Variants in ITIH6 observed in about 807,000 individuals in gnomAD.
ITIH6 encodes inter-alpha-trypsin inhibitor heavy chain H6.
In ITIH6, 60 loss-of-function variants were observed where a neutral mutation model predicts 58.2. The ratio of observed to expected loss-of-function variants is 1.03; its 90% CI spans 0.84 to 1.28. The LOEUF is 1.28. ITIH6 is among the 50% of genes most tolerant of loss of function. The pLI, the probability that ITIH6 is intolerant of heterozygous loss-of-function variation, is 0.00. For missense variants in ITIH6, 1,290 were observed against 1,021.1 expected (o/e 1.26, Z -3.59); for synonymous variants, 493 against 417.4 (o/e 1.18, Z -2.21).
chrX:54,750,104 G>A lies in ITIH6; in HGVS notation c.3733C>T (p.Gln1245Ter), dbSNP rs1213734268. ...AGTCGGATGTCTGCGTGCTGGAACT[G>A]CCCTGAGGGAGAGAGATGCAGTGCT... ...LSPSARGLIG[Q>*]FQHADIRLVT... Residue 1245 changes from glutamine to a stop codon, truncating the protein, a stop_gained and splice_region_variant, in exon 13 of 13, where the codon CAG becomes TAG. Transcript: ENST00000218436. LOFTEE classifies it high-confidence loss of function. The A allele has an allele frequency of 8.3e-7, 1 of 1,198,158 alleles. No homozygotes were observed. Among genetic ancestry groups the A allele is most frequent in the South Asian group, 1.8e-5 (1 of 55,184 alleles).
chrX:54,788,763 T>C (rs1296748909), intron 4 of ITIH6, 114 bp from the exon 5 acceptor site: 4 of 572,467 alleles, frequency 7.0e-6, no homozygotes, highest in Non-Finnish European at 1.1e-5. Context: ...AGTCTAACTC[T>C]TCCCCAAACC....
chrX:54,791,188 G>A (rs967878792), intron 3 of ITIH6, 104 bp from the exon 4 acceptor site: 18 of 812,154 alleles, frequency 2.2e-5, no homozygotes, highest in Non-Finnish European at 3.0e-5. Flanking sequence ...GGTCCCAGCC[G>A]ACCTGACTAG....
intron 6 of ITIH6, among the ~76,000 whole-genome samples, chrX:54,772,657 G>T (rs1928976845): frequency 8.9e-6 from 1 of 112,447 alleles, no homozygotes; most frequent in South Asian, 3.7e-4. Context: ...AAAGCCAGAC[G>T]TGATGTATCA....
intron 5 of ITIH6, among the ~76,000 whole-genome samples, chrX:54,784,620 G>T (rs1023299875): frequency 8.9e-6 from 1 of 112,083 alleles, no homozygotes; most frequent in African/African-American, 3.2e-5. Flanking sequence ...TCAGAGAAGT[G>T]AAAGTCAAAA....
chrX:54,754,167 A>G (rs1382365420), intron 9 of ITIH6, among the ~76,000 whole-genome samples: 1 of 111,770 alleles, frequency 8.9e-6, no homozygotes, highest in Non-Finnish European at 1.9e-5. Context: ...TTCTCTTCCT[A>G]GTGACCCTTT....
At chrX:54,784,313 A>G (rs151252167) in intron 5 of ITIH6, among the ~76,000 whole-genome samples, 6,008 of 111,795 alleles carry the variant, frequency 0.054, 416 homozygotes, top group African/African-American at 0.19. Context: ...CAATAAGCAC[A>G]AGCAACCGTA....
In ITIH6 at chrX:54,752,531, A is replaced by C. The variant is rs773727070; in HGVS notation, c.3352+1120T>G. On this transcript the variant is annotated intron_variant, in intron 11 of 12. Coordinates refer to ENST00000218436, the MANE Select transcript of ITIH6 (RefSeq NM_198510.3). ...TACATCAATTTTCGAGGAAAAATTC[A>C]TCTTGTTCATGCTCTAATTGAAGAG... 3.6e-5 allele frequency among the ~76,000 whole-genome samples: 4 copies of C among 112,541 alleles called. No individual in the cohort carries two copies. The East Asian group carries it at 1.1e-3, about 32-fold the overall frequency.
chrX:54,766,469 T>G (rs2147607852), intron 6 of ITIH6, among the ~76,000 whole-genome samples: 1 of 68,466 alleles, frequency 1.5e-5, no homozygotes, highest in East Asian at 4.2e-4. Context: ...CTTGTGCCAG[T>G]TTTCAAAGGG....
intron 8 of ITIH6, among the ~76,000 whole-genome samples, chrX:54,755,478 G>A (rs1460019966): frequency 9.0e-6 from 1 of 111,233 alleles, no homozygotes; most frequent in African/African-American, 3.3e-5. Flanking sequence ...AAATGCTATT[G>A]GAAAAAAATA....
At chrX:54,763,774 T>TCTACTA (rs1928705287) in intron 6 of ITIH6, among the ~76,000 whole-genome samples, 1 of 112,214 alleles carries the variant, frequency 8.9e-6, no homozygotes, top group South Asian at 3.7e-4. Flanking sequence ...GATGATGAAG[T>TCTACTA]CTCTAATTAT....
At chrX:54,769,606 C>A (rs1395657122) in intron 6 of ITIH6, among the ~76,000 whole-genome samples, 8 of 103,276 alleles carry the variant, frequency 7.7e-5, no homozygotes, top group Admixed American at 4.2e-4. Flanking sequence ...CAGACAGGAC[C>A]CTCAGCTGCA....
intron 5 of ITIH6, among the ~76,000 whole-genome samples, chrX:54,783,141 C>A (rs1176055164): frequency 8.9e-6 from 1 of 112,232 alleles, no homozygotes; most frequent in Non-Finnish European, 1.9e-5. Context: ...CTCAACATTT[C>A]TTCATGACAA....
At position 54,754,834 on chromosome X, in the gene ITIH6, A is replaced by G. The variant is rs767588841; in HGVS notation, c.3202+183T>C. On this transcript the variant is annotated intron_variant, in intron 9 of 12. Transcript: ENST00000218436. ...TAACTAAGCTATTTCTAGACTACTG[A>G]CTAACAGAACTGTGAGATTATTAAT... 4.0e-4 allele frequency among the ~76,000 whole-genome samples: 45 copies of G among 112,502 alleles called. No homozygotes were observed. The South Asian group carries it at 0.016, about 40-fold the overall frequency.
chrX:54,795,634 G>C (rs890312022), intron 2 of ITIH6, among the ~76,000 whole-genome samples: 2 of 111,729 alleles, frequency 1.8e-5, no homozygotes, highest in African/African-American at 6.5e-5. Flanking sequence ...GGGAACATTT[G>C]TGCCTTTATT....
chrX:54,755,847 A>G (rs1416548228), intron 8 of ITIH6, among the ~76,000 whole-genome samples: 1 of 110,827 alleles, frequency 9.0e-6, no homozygotes, highest in African/African-American at 3.3e-5. Flanking sequence ...ACTTCATTCT[A>G]AGTACGATGG....
rs1460569964 is a variant in ITIH6, at chrX:54,765,745, A to T, written c.904-5818T>A. 4.6e-5 allele frequency among the ~76,000 whole-genome samples: 5 copies of T among 109,870 alleles called. No individual in the cohort carries two copies. The East Asian group carries it at 1.2e-3, about 25-fold the overall frequency. ...CTGAGGGCTCTGTTCTGTTCCATTG[A>T]TCTATATCTCTGTTTTGGTAACAGT... On this transcript the variant is annotated intron_variant, in intron 6 of 12. Coordinates refer to ENST00000218436, the MANE Select transcript of ITIH6 (RefSeq NM_198510.3).
intron 5 of ITIH6, among the ~76,000 whole-genome samples, chrX:54,775,028 C>G (rs1929027125): frequency 8.9e-6 from 1 of 112,057 alleles, no homozygotes; most frequent in African/African-American, 3.3e-5. Context: ...AGGCTGTACA[C>G]TACCTCTTCC....
At chrX:54,776,394 C>T (rs1398657420) in intron 5 of ITIH6, among the ~76,000 whole-genome samples, 1 of 110,355 alleles carries the variant, frequency 9.1e-6, no homozygotes, top group Admixed American at 9.6e-5. Flanking sequence ...CTAGTAGGGG[C>T]CTAGTGCTGA....
intron 5 of ITIH6, among the ~76,000 whole-genome samples, chrX:54,781,262 A>T (rs1685230182): frequency 8.9e-6 from 1 of 112,222 alleles, no homozygotes; most frequent in Admixed American, 9.5e-5. Context: ...TAAACTAAAC[A>T]GCTTCTACAT....
Sources: gnomAD v4.1 joint callset for allele counts (sites outside exome capture counted in the v4.1 genomes callset) on GRCh38, gnomAD v4.1.1 for gene constraint, MANE v1.5 for transcripts, NCBI Gene and HGNC (gene_info 2026-07-23, HGNC 2026-07-21) for gene names.